ANKHD1: variants seen among roughly 807,000 people sequenced by gnomAD.
The protein encoded by ANKHD1 is ankyrin repeat and KH domain-containing protein 1.
A neutral mutation model predicts 230.5 loss-of-function variants in ANKHD1; 31 were observed. That is an observed-to-expected ratio of 0.13 (90% CI 0.10 to 0.18). ANKHD1 has a LOEUF of 0.18. Among genes scored for constraint, ANKHD1 ranks in the 10% least tolerant of loss-of-function variants. The probability of loss-of-function intolerance (pLI) is 1.00; values close to 1 mark genes in which losing one functional copy is unlikely to be tolerated. For missense variants in ANKHD1, 2,256 were observed against 3,071.3 expected (o/e 0.73, Z 6.27); for synonymous variants, 1,074 against 1,117.6 (o/e 0.96, Z 0.78).
Position 140,496,837 on chromosome 5 carries a change from A to G in ANKHD1, c.2563A>G (p.Lys855Glu), listed in dbSNP as rs1241151522. The change falls in exon 15 of 34, where the codon AAA becomes GAA. Residue 855 changes from lysine (K) to glutamate (E), a missense_variant. Transcript: ENST00000360839. ...GATGAAAACACAGCAGCAATTTACC[A>G]AAGAATACTTGGAAACCAAAGGTCA... ...LQMKTQQQFTKEYLETKGQKD... is the reference protein window; with the variant it reads ...LQMKTQQQFTEEYLETKGQKD... 4 of 1,614,034 alleles carry G rather than the reference A, an allele frequency of 2.5e-6. No homozygotes were observed. Among genetic ancestry groups the G allele is most frequent in the Non-Finnish European group, 3.4e-6 (4 of 1,180,028 alleles).
chr5:140,441,920 T>C (rs926519224), intron 5 of ANKHD1, among the ~76,000 whole-genome samples: 1 of 152,104 alleles, frequency 6.6e-6, no homozygotes, highest in Non-Finnish European at 1.5e-5. Context: ...ACTGTATTTC[T>C]TATAATTCTT....
chr5:140,531,532 AATC>A (rs1213607790), intron 29 of ANKHD1: 1 of 174,462 alleles, frequency 5.7e-6, no homozygotes, highest in Non-Finnish European at 1.2e-5. Flanking sequence ...AGTAAGCCGA[AATC>A]ATGCCACAGC....
chr5:140,511,099 T>C (rs570840535), intron 22 of ANKHD1, among the ~76,000 whole-genome samples: 1 of 152,288 alleles, frequency 6.6e-6, no homozygotes, highest in African/African-American at 2.4e-5. Context: ...TGCTGAGATA[T>C]GGGCGTGAGC....
In ANKHD1 at chr5:140,510,030, T is replaced by A. The variant is rs1242705025; in HGVS notation, c.3953T>A (p.Ile1318Asn). The change falls in exon 22 of 34, where the codon ATT becomes AAT. Residue 1318 changes from isoleucine to asparagine, a missense_variant. Physicochemically the swap from Ile to Asn is moderately radical, Grantham distance 149. Coordinates refer to ENST00000360839, the MANE Select transcript of ANKHD1 (RefSeq NM_017747.3). Reference sequence around the variant, plus strand: ...TGCCTTGTTTACAGGGGAGCCCACATTGATGTTCGTAACAAAAAGGGAAAT... The same window carrying A: ...TGCCTTGTTTACAGGGGAGCCCACAATGATGTTCGTAACAAAAAGGGAAAT... Reference protein sequence around the residue: ...CELLIHRGAHIDVRNKKGNTP... With the variant: ...CELLIHRGAHNDVRNKKGNTP... The A allele has an allele frequency of 6.2e-7, 1 of 1,613,450 alleles. No individual in the cohort carries two copies. The highest frequency in any genetic ancestry group is 8.5e-7 in the Non-Finnish European group (1 of 1,179,506).
chr5:140,514,100 A>C (rs1752879063), intron 24 of ANKHD1, among the ~76,000 whole-genome samples: 2 of 151,332 alleles, frequency 1.3e-5, no homozygotes, highest in Admixed American at 6.6e-5. Flanking sequence ...TGGAAGGATC[A>C]CTTGAGTCCA....
Position 140,526,380 on chromosome 5 carries a change from C to T in ANKHD1, c.4877C>T (p.Pro1626Leu). 1 of 1,614,046 alleles carries T rather than the reference C, an allele frequency of 6.2e-7. No homozygotes were observed. The highest frequency in any genetic ancestry group is 8.5e-7 in the Non-Finnish European group (1 of 1,180,010). The change falls in exon 26 of 34, where the codon CCC becomes CTC. Residue 1626 changes from proline to leucine, a missense_variant. Pro to Leu is a moderately conservative substitution (Grantham distance 98). This residue lies in a region of ANKHD1 where 212 missense variants were observed against 257.3 expected (regional missense o/e 0.82). Transcript: ENST00000360839. ...ATGGATGTGAATTCCTCTAAATACC[C>T]CTCACTGCTCCTTCATTCCCAAGAA... ...FVMDVNSSKY[P>L]SLLLHSQEEK...
chr5:140,459,262 G>T lies in ANKHD1; in HGVS notation c.1579G>T (p.Ala527Ser), dbSNP rs1243551049. ...FSEVADFLIK[A>S]GADIELGCST... ...TGAAGTTGCAGACTTTCTTATTAAG[G>T]CAGGGGCTGATATAGAACTTGGCTG... Residue 527 changes from alanine (A) to serine (S), a missense_variant, in exon 9 of 34, where the codon GCA (alanine) becomes TCA (serine). By Grantham distance (99) the Ala-to-Ser change is moderately conservative. Transcript: ENST00000360839. 4.4e-6 allele frequency: 7 copies of T among 1,603,870 alleles called. No homozygotes were observed. Among genetic ancestry groups the T allele is most frequent in the African/African-American group, 1.3e-5 (1 of 74,662 alleles).
chr5:140,534,559 T>A (rs1753988345), intron 29 of ANKHD1, among the ~76,000 whole-genome samples: 1 of 152,230 alleles, frequency 6.6e-6, no homozygotes, highest in African/African-American at 2.4e-5. Flanking sequence ...ATACTTTAAA[T>A]GGGTGAATTA....
At chr5:140,508,118 G>A (rs1372648833) in intron 20 of ANKHD1, 120 bp downstream of exon 20, 3 of 1,306,082 alleles carry the variant, frequency 2.3e-6, no homozygotes, top group Non-Finnish European at 3.1e-6. Context: ...TACCAATGCA[G>A]AGTTGAGGGA....
chr5:140,485,724 C>A lies in ANKHD1; in HGVS notation c.2134C>A (p.Gln712Lys). 6.2e-7 allele frequency: 1 copy of A among 1,614,018 alleles called. No individual in the cohort carries two copies. Among genetic ancestry groups the A allele is most frequent in the Non-Finnish European group, 8.5e-7 (1 of 1,179,962 alleles). Residue 712 changes from glutamine to lysine, a missense_variant, in exon 13 of 34, where the codon CAG (glutamine) becomes AAG (lysine). Coordinates refer to ENST00000360839, the MANE Select transcript of ANKHD1 (RefSeq NM_017747.3). This position sits in a 1 kb window ranked among gnomAD's most constrained non-coding sequence, Gnocchi z 4.8. ...TCAGCTCCCTCCACCTTCTCAAGAT[C>A]AGTCTCAGGTAAAGTAAAATGGAGC... is the stretch of plus-strand genomic sequence containing the variant. ...VSQLPPPSQD[Q>K]SQVPRVPTHT...
chr5:140,491,400 A>G (rs1751801909), intron 14 of ANKHD1, among the ~76,000 whole-genome samples: 2 of 151,696 alleles, frequency 1.3e-5, no homozygotes, highest in South Asian at 2.1e-4. Context: ...CCTGAGCTCA[A>G]GAGATCTGCC....
At chr5:140,493,736 T>C (rs953222286) in intron 14 of ANKHD1, among the ~76,000 whole-genome samples, 1 of 152,248 alleles carries the variant, frequency 6.6e-6, no homozygotes, top group African/African-American at 2.4e-5. Context: ...CCATCTTCCA[T>C]TTTTAATGCT....
At chr5:140,462,075 T>C (rs1775741245) in intron 9 of ANKHD1, among the ~76,000 whole-genome samples, 2 of 152,180 alleles carry the variant, frequency 1.3e-5, no homozygotes, top group African/African-American at 4.8e-5. Flanking sequence ...CCTGATGATA[T>C]TGCTATGATT....
At chr5:140,466,966 A>G (rs867094324) in intron 10 of ANKHD1, among the ~76,000 whole-genome samples, 3 of 152,060 alleles carry the variant, frequency 2.0e-5, no homozygotes, top group African/African-American at 7.2e-5. Context: ...AGATAAATAC[A>G]TATCTTAATT....
intron 24 of ANKHD1, among the ~76,000 whole-genome samples, chr5:140,516,063 T>C (rs369051997): frequency 1.3e-5 from 2 of 151,946 alleles, no homozygotes; most frequent in Non-Finnish European, 2.9e-5. Flanking sequence ...ATTTAGAAGA[T>C]TGTATAACTA....
At chr5:140,537,815 T>C (rs1754148605) in intron 31 of ANKHD1, among the ~76,000 whole-genome samples, 1 of 152,196 alleles carries the variant, frequency 6.6e-6, no homozygotes, top group African/African-American at 2.4e-5. Context: ...AGATTCAAAG[T>C]GTGTGTCCTT....
rs1295729176 is a variant in ANKHD1 at position 140,526,104 on chromosome 5, A to G, written c.4601A>G (p.Asn1534Ser). Residue 1534 changes from asparagine to serine, a missense_variant, in exon 26 of 34, where the codon AAT becomes AGT. Physicochemically the swap from Asn to Ser is conservative, Grantham distance 46 (BLOSUM62 1). Transcript: ENST00000360839. Reference protein sequence around the residue: ...FTNVFGKKRANVVTTPSTNRK... With the variant: ...FTNVFGKKRASVVTTPSTNRK... Reference sequence around the variant, plus strand: ...AATGTGTTTGGGAAAAAAAGGGCCAATGTGGTGACAACTCCCAGCACCAAT... The same window carrying G: ...AATGTGTTTGGGAAAAAAAGGGCCAGTGTGGTGACAACTCCCAGCACCAAT... The G allele has an allele frequency of 5.6e-6, 9 of 1,614,000 alleles. No homozygotes were observed. Among genetic ancestry groups the G allele is most frequent in the East Asian group, 4.5e-5 (2 of 44,870 alleles).
chr5:140,534,948 A>G (rs945530195), intron 29 of ANKHD1, among the ~76,000 whole-genome samples: 18 of 152,348 alleles, frequency 1.2e-4, no homozygotes, highest in African/African-American at 3.8e-4. Flanking sequence ...GAAAATGACT[A>G]TAGTTATACA....
intron 24 of ANKHD1, among the ~76,000 whole-genome samples, 158 bp downstream of exon 24, chr5:140,513,637 T>C (rs1301324819): frequency 1.3e-5 from 2 of 152,036 alleles, no homozygotes; most frequent in African/African-American, 2.4e-5. Context: ...GGTGAAACCC[T>C]GTCTCTACTA....
Sources: allele counts gnomAD v4.1 joint callset (sites outside exome capture counted in the v4.1 genomes callset), GRCh38; gene constraint gnomAD v4.1.1; regional missense constraint gnomAD v4.1.1; non-coding constraint Gnocchi (gnomAD v3.1); transcripts MANE v1.5; gene names NCBI Gene and HGNC (gene_info 2026-07-23, HGNC 2026-07-21).